Variants in FUNDC2 observed in about 807,000 individuals in gnomAD.
FUNDC2 encodes the protein FUN14 domain containing 2.
Under a neutral mutation model 15.6 loss-of-function variants are expected in FUNDC2, and 4 were observed. The ratio of observed to expected loss-of-function variants is 0.26; its 90% CI spans 0.13 to 0.59. The LOEUF (loss-of-function observed/expected upper bound fraction) is 0.59, where lower values mean the gene tolerates loss of function less well. Among genes scored for constraint, FUNDC2 ranks in the 20% least tolerant of loss-of-function variants. FUNDC2 has a pLI of 0.90. For missense variants in FUNDC2, 98 were observed against 149.7 expected, an observed-to-expected ratio of 0.65 and a Z score of 1.80; for synonymous variants, 44 against 56.9, an observed-to-expected ratio of 0.77 and a Z score of 1.02.
chrX:155,051,900 C>T (rs1159303906), intron 4 of FUNDC2, 99 bp downstream of exon 4: 2 of 863,763 alleles, frequency 2.3e-6, no homozygotes, highest in Middle Eastern at 2.9e-4. Flanking sequence ...AGGGCTTAAG[C>T]ATTACAAAGA....
rs1557288249 is a variant in FUNDC2, at chrX:155,026,896, C to A, written c.-43C>A. On this transcript the variant is annotated 5_prime_UTR_variant, in exon 1 of 5. Transcript: ENST00000369498. ...AGCCGCTTGCGGAGACTGCAAGCAGCCGCGGCGCGCCCGGCCCTCCCTCTT... is the reference window on the plus strand; with the variant it reads ...AGCCGCTTGCGGAGACTGCAAGCAGACGCGGCGCGCCCGGCCCTCCCTCTT... 1.2e-5 allele frequency: 14 copies of A among 1,163,389 alleles called. No individual in the cohort carries two copies. The highest frequency in any genetic ancestry group is 1.6e-5 in the Non-Finnish European group (14 of 873,437).
intron 1 of FUNDC2, chrX:155,027,398 G>T: frequency 6.5e-6 from 1 of 154,033 alleles, no homozygotes; most frequent in East Asian, 1.5e-4. Context: ...CCCTTTGGAC[G>T]TTCATCTCAA....
chrX:155,052,677 C>T lies in FUNDC2; in HGVS notation c.492+876C>T, dbSNP rs144804447. ...TGCTGGTGATTGGCAAGTGGCTGGT[C>T]AAAGCTGGTGCCTTTACCCAGAGTG... On this transcript the variant is annotated intron_variant, in intron 4 of 4. Coordinates refer to ENST00000369498, the MANE Select transcript of FUNDC2 (RefSeq NM_023934.4). Among the ~76,000 whole-genome samples, 706 of 111,443 alleles carry T rather than the reference C, an allele frequency of 6.3e-3. 7 individuals are homozygous for T. The highest frequency in any genetic ancestry group is 0.022 in the African/African-American group (676 of 30,582).
At chrX:155,050,376 T>G (rs912702977) in intron 3 of FUNDC2, 1 of 111,640 alleles carries the variant, frequency 9.0e-6, no homozygotes. Flanking sequence ...CGCCACCAGT[T>G]TGGTGGTGCT....
rs964358319 is a variant in FUNDC2, at chrX:155,045,310, A to C, written c.285-1199A>C. On this transcript the variant is annotated intron_variant, in intron 2 of 4. Transcript: ENST00000369498. The stretch of plus-strand genomic sequence containing the variant: ...CAGCATGAGGACTGCAGCTAATGCA[A>C]TTGTATTGCCTTAGGGATTTCTGTG... Among the ~76,000 whole-genome samples the C allele has an allele frequency of 1.2e-4, 13 of 111,641 alleles. No homozygotes were observed. In the East Asian group the frequency reaches 3.3e-3, roughly 29 times the overall value.
intron 3 of FUNDC2, among the ~76,000 whole-genome samples, chrX:155,048,334 T>C (rs1557290192): frequency 5.4e-5 from 6 of 111,818 alleles, no homozygotes. Context: ...TCACAAGTTA[T>C]AGTTTGACAT....
At position 155,059,101 on chromosome X, in the gene FUNDC2, T is replaced by G. The variant is rs1370708840; in HGVS notation, c.*4429T>G. ...TTTAAAGTGTCTTAGCTTTTTCTAATGAGCAGCAGAGACTGAGAACCACTG... is the reference window on the plus strand; with the variant it reads ...TTTAAAGTGTCTTAGCTTTTTCTAAGGAGCAGCAGAGACTGAGAACCACTG... On this transcript the variant is annotated 3_prime_UTR_variant, in exon 5 of 5. Coordinates refer to ENST00000369498, the MANE Select transcript of FUNDC2 (RefSeq NM_023934.4). The G allele has an allele frequency of 8.9e-6, 1 of 112,160 alleles. No homozygotes were observed. Among genetic ancestry groups the G allele is most frequent in the Non-Finnish European group, 1.9e-5 (1 of 53,267 alleles). 9.2% of individuals were successfully genotyped at this position (112,160 alleles called of 1,213,427 possible).
At chrX:155,046,671 C>T (rs1257704913) in intron 3 of FUNDC2, 87 bp downstream of exon 3, 1 of 697,294 alleles carries the variant, frequency 1.4e-6, no homozygotes, top group Non-Finnish European at 2.3e-6. Flanking sequence ...ACAGTCCTGG[C>T]TATGTCACAC....
intron 1 of FUNDC2, among the ~76,000 whole-genome samples, chrX:155,028,118 G>GACTCTTATAAGAGCAGACT (rs1557288459): frequency 9.0e-6 from 1 of 111,457 alleles, no homozygotes; most frequent in African/African-American, 3.3e-5. Context: ...TGCTCTTATA[G>GACTCTTATAAGAGCAGACT]GTTGATCAGG....
In FUNDC2 at chrX:155,054,770, C is replaced by G; in HGVS notation, c.*98C>G. ...GAGTCCCTCCTCCTCTTCTCCCATGCCTTCTTCCCTGCCATGGCAAATCTG... is the reference window on the plus strand; with the variant it reads ...GAGTCCCTCCTCCTCTTCTCCCATGGCTTCTTCCCTGCCATGGCAAATCTG... On this transcript the variant is annotated 3_prime_UTR_variant, in exon 5 of 5. Coordinates refer to ENST00000369498, the MANE Select transcript of FUNDC2 (RefSeq NM_023934.4). 16 of 737,884 alleles carry G rather than the reference C, an allele frequency of 2.2e-5. No individual in the cohort carries two copies. Among genetic ancestry groups the G allele is most frequent in the Non-Finnish European group, 2.9e-5 (14 of 477,683 alleles). 60.8% of individuals were successfully genotyped at this position (737,884 alleles called of 1,213,427 possible). A position where few individuals can be genotyped will look rare whatever the true frequency, so the allele number is the denominator to read the frequency against.
At chrX:155,036,282 G>A (rs1298160579) in intron 2 of FUNDC2, among the ~76,000 whole-genome samples, 4 of 112,065 alleles carry the variant, frequency 3.6e-5, no homozygotes, top group Non-Finnish European at 7.5e-5. Context: ...GCATTTTCAC[G>A]GGCTTATTTT....
rs1052073823 is a variant in FUNDC2, at chrX:155,057,061, G to C, written c.*2389G>C. 2.5e-4 allele frequency: 25 copies of C among 99,051 alleles called. No homozygotes were observed. The highest frequency in any genetic ancestry group is 8.7e-4 in the African/African-American group (25 of 28,806). 8.2% of individuals were successfully genotyped at this position (99,051 alleles called of 1,213,427 possible). On this transcript the variant is annotated 3_prime_UTR_variant, in exon 5 of 5. Coordinates refer to ENST00000369498, the MANE Select transcript of FUNDC2 (RefSeq NM_023934.4). ...TCATCCTGCTAGTATGAGAACGGCT[G>C]TGAGTTCTGCCCACGGTGTGAGGCC...
At chrX:155,033,214 C>A (rs2073821096) in intron 1 of FUNDC2, 189 bp from the exon 2 acceptor site, 1 of 355,752 alleles carries the variant, frequency 2.8e-6, no homozygotes, top group Non-Finnish European at 5.0e-6. Context: ...AGGTTTTTCC[C>A]TGTAATATAG....
At position 155,057,102 on chromosome X, in the gene FUNDC2, GATTGTGCAGAGCTGGC is replaced by G. The variant is rs2073908412; in HGVS notation, c.*2433_*2448del. 9.6e-6 allele frequency: 1 copy of G among 103,742 alleles called. No individual in the cohort carries two copies. Among genetic ancestry groups the G allele is most frequent in the Non-Finnish European group, 2.1e-5 (1 of 48,248 alleles). The allele number at this position is 103,742 out of a possible 1,213,427, so 8.5% of individuals were successfully genotyped here. On this transcript the variant is annotated 3_prime_UTR_variant, in exon 5 of 5. Coordinates refer to ENST00000369498, the MANE Select transcript of FUNDC2 (RefSeq NM_023934.4). ...GTGTGAGGCCACTGTGACCACTTGG[GATTGTGCAGAGCTGGC>G]ATGGAGGTTGAACACGCACAGCTGC...
At chrX:155,050,610 A>G (rs1396861991) in intron 3 of FUNDC2, 1 of 112,220 alleles carries the variant, frequency 8.9e-6, no homozygotes, top group Non-Finnish European at 1.9e-5. Context: ...TATTGTGTAA[A>G]TATGATACAA....
At chrX:155,046,814 C>CA (rs1378719999) in intron 3 of FUNDC2, among the ~76,000 whole-genome samples, 2 of 112,613 alleles carry the variant, frequency 1.8e-5, no homozygotes, top group Non-Finnish European at 3.7e-5. Flanking sequence ...GACAGAAGTG[C>CA]AAATTCCTTA....
At chrX:155,032,114 T>G (rs1027990281) in intron 1 of FUNDC2, among the ~76,000 whole-genome samples, 3 of 109,589 alleles carry the variant, frequency 2.7e-5, no homozygotes, top group Non-Finnish European at 5.7e-5. Flanking sequence ...TAGCTGTGAT[T>G]ACAGGCGCAT....
At chrX:155,028,334 C>T (rs2073802956) in intron 1 of FUNDC2, among the ~76,000 whole-genome samples, 1 of 111,531 alleles carries the variant, frequency 9.0e-6, no homozygotes, top group Non-Finnish European at 1.9e-5. Context: ...ACCTTCCCCC[C>T]TACTCCCTTT....
rs1366381303 is a variant in FUNDC2 at position 155,055,901 on chromosome X, C to G, written c.*1229C>G. ...TCTCTTGTGAAATATGAGTGTGTTT[C>G]TAAGGCCATACATTTAAAAATGTTT... On this transcript the variant is annotated 3_prime_UTR_variant, in exon 5 of 5. Coordinates refer to ENST00000369498, the MANE Select transcript of FUNDC2 (RefSeq NM_023934.4). The G allele has an allele frequency of 8.9e-6, 1 of 112,127 alleles. No individual in the cohort carries two copies. Among genetic ancestry groups the G allele is most frequent in the African/African-American group, 3.2e-5 (1 of 30,840 alleles). 9.2% of individuals were successfully genotyped at this position (112,127 alleles called of 1,213,427 possible). A position where few individuals can be genotyped will look rare whatever the true frequency, so the allele number is the denominator to read the frequency against.
Sources: allele counts gnomAD v4.1 joint callset (sites outside exome capture counted in the v4.1 genomes callset), GRCh38; gene constraint gnomAD v4.1.1; transcripts MANE v1.5; gene names NCBI Gene and HGNC (gene_info 2026-07-23, HGNC 2026-07-21).